The following ATP8A2 variants were observed in gnomAD, a reference collection of about 807,000 sequenced individuals.
The protein encoded by ATP8A2 is ATPase phospholipid transporting 8A2.
ATP8A2 carries 100 observed loss-of-function variants against 165.6 expected under a neutral mutation model. The ratio of observed to expected loss-of-function variants is 0.60; its 90% CI spans 0.51 to 0.71. ATP8A2 has a LOEUF of 0.71. Ranked by LOEUF, ATP8A2 falls within the 30% of genes least tolerant of loss-of-function variation. The probability of loss-of-function intolerance (pLI) is 0.00; values close to 1 mark genes in which losing one functional copy is unlikely to be tolerated. For missense variants in ATP8A2, 1,227 were observed against 1,479.5 expected (o/e 0.83, Z 2.80); for synonymous variants, 543 against 548.8 (o/e 0.99, Z 0.15).
chr13:25,479,217 G>C (rs2036086066), intron 2 of ATP8A2, among the ~76,000 whole-genome samples: 1 of 152,154 alleles, frequency 6.6e-6, no homozygotes, highest in Non-Finnish European at 1.5e-5. Flanking sequence ...ATCATTGTTA[G>C]TTATTATCTG....
chr13:25,461,007 C>T (rs2035489413), intron 1 of ATP8A2, among the ~76,000 whole-genome samples: 1 of 152,172 alleles, frequency 6.6e-6, no homozygotes, highest in East Asian at 1.9e-4. Flanking sequence ...CCAGGAGGTG[C>T]TCAATAACTG....
At chr13:25,551,208 T>C (rs1430530290) in intron 10 of ATP8A2, 130 bp from the exon 11 acceptor site, 6 of 826,366 alleles carry the variant, frequency 7.3e-6, no homozygotes, top group Non-Finnish European at 9.6e-6. Context: ...TTGAATTGCA[T>C]TGATTATTTG....
chr13:25,861,696 T>C (rs910931464), intron 32 of ATP8A2, among the ~76,000 whole-genome samples: 2 of 152,224 alleles, frequency 1.3e-5, no homozygotes, highest in Admixed American at 1.3e-4. Flanking sequence ...TCATTTTATC[T>C]TTCTAAAAGC....
chr13:25,789,529 A>G (rs966660724), intron 27 of ATP8A2, among the ~76,000 whole-genome samples: 1 of 152,206 alleles, frequency 6.6e-6, no homozygotes, highest in Admixed American at 6.5e-5. Flanking sequence ...GTAACTAGGG[A>G]GGTGAAAGGC....
intron 1 of ATP8A2, among the ~76,000 whole-genome samples, chr13:25,388,020 A>C (rs1376025291): frequency 6.6e-6 from 1 of 151,616 alleles, no homozygotes; most frequent in Non-Finnish European, 1.5e-5. Flanking sequence ...CCAAGATTGC[A>C]CCACTGCACT....
At chr13:25,379,351 G>C (rs2032754105) in intron 1 of ATP8A2, among the ~76,000 whole-genome samples, 1 of 152,206 alleles carries the variant, frequency 6.6e-6, no homozygotes, top group Non-Finnish European at 1.5e-5. Context: ...ACTCCATGGA[G>C]TGAGTGAGTA....
chr13:25,631,891 C>T (rs925052413), intron 24 of ATP8A2, among the ~76,000 whole-genome samples: 1 of 151,972 alleles, frequency 6.6e-6, no homozygotes, highest in African/African-American at 2.4e-5. Context: ...GCAAACCAAG[C>T]AGTTTTCTAG....
intron 33 of ATP8A2, among the ~76,000 whole-genome samples, chr13:25,947,154 A>G (rs536564478): frequency 6.6e-6 from 1 of 152,304 alleles, no homozygotes; most frequent in South Asian, 2.1e-4. Context: ...ATAAGTACCC[A>G]CGCAGTACTC....
chr13:25,863,695 C>G (rs1211014525), intron 33 of ATP8A2: 2 of 152,212 alleles, frequency 1.3e-5, no homozygotes, highest in African/African-American at 4.8e-5. Context: ...CGTGAGATAG[C>G]CCAGGGTAGC....
rs147360092 is a variant in ATP8A2, at chr13:25,579,111, G to A, written c.1867+212G>A. The stretch of plus-strand genomic sequence containing the variant: ...GGTGCAGAGGGAGAGACAGGCCAAC[G>A]CACAACGTGTAGAATCACCTTTAGT... On this transcript the variant is annotated intron_variant, in intron 21 of 36. Coordinates refer to ENST00000381655, the MANE Select transcript of ATP8A2 (RefSeq NM_016529.6). 2.3e-3 allele frequency among the ~76,000 whole-genome samples: 348 copies of A among 152,288 alleles called. 1 individual carries two copies. Among genetic ancestry groups the A allele is most frequent in the African/African-American group, 7.8e-3 (326 of 41,548 alleles).
intron 11 of ATP8A2, among the ~76,000 whole-genome samples, chr13:25,553,287 C>T (rs76535510): frequency 2.0e-5 from 3 of 151,784 alleles, no homozygotes; most frequent in South Asian, 2.1e-4. Context: ...GAACTTGTTC[C>T]GTCCAGATAT....
chr13:25,927,220 C>T (rs1299245590), intron 33 of ATP8A2: 1 of 456,754 alleles, frequency 2.2e-6, no homozygotes, highest in Non-Finnish European at 4.4e-6. Context: ...TCCTCGGCTG[C>T]TCCACACACT....
intron 1 of ATP8A2, among the ~76,000 whole-genome samples, chr13:25,433,931 A>C (rs9578862): frequency 1.3e-5 from 2 of 152,170 alleles, no homozygotes; most frequent in Non-Finnish European, 2.9e-5. Context: ...GTGGGTACAC[A>C]TGGACATAAA....
chr13:25,417,845 T>C (rs1350687487), intron 1 of ATP8A2, among the ~76,000 whole-genome samples: 2 of 152,348 alleles, frequency 1.3e-5, no homozygotes, highest in South Asian at 2.1e-4. Flanking sequence ...CAAGTCAGTA[T>C]TAAAATCTTT....
chr13:25,860,956 G>T, intron 32 of ATP8A2, 96 bp downstream of exon 32: 1 of 818,286 alleles, frequency 1.2e-6, no homozygotes, highest in Non-Finnish European at 2.0e-6. Context: ...GCAATATCTG[G>T]CTATCTTCTT....
At chr13:25,733,238 C>T (rs1429977933) in intron 25 of ATP8A2, among the ~76,000 whole-genome samples, 1 of 152,016 alleles carries the variant, frequency 6.6e-6, no homozygotes, top group Admixed American at 6.6e-5. Context: ...AAAAACCTAG[C>T]CAGATTTTTT....
intron 24 of ATP8A2, among the ~76,000 whole-genome samples, chr13:25,610,805 G>A (rs566027571): frequency 6.7e-6 from 1 of 149,796 alleles, no homozygotes; most frequent in Non-Finnish European, 1.5e-5. Context: ...CCATTTGTTT[G>A]TGTTGTTTAT....
intron 24 of ATP8A2, among the ~76,000 whole-genome samples, chr13:25,616,845 T>G (rs1236872077): frequency 2.0e-5 from 3 of 152,182 alleles, no homozygotes; most frequent in African/African-American, 7.2e-5. Flanking sequence ...CAAAGTGTTG[T>G]GCAGACTGGT....
intron 27 of ATP8A2, among the ~76,000 whole-genome samples, chr13:25,817,354 G>GC (rs1951053338): frequency 8.8e-6 from 1 of 113,764 alleles, no homozygotes; most frequent in Non-Finnish European, 2.0e-5. Context: ...CTTTTATGGG[G>GC]GGGGGGGGAA....
Sources: gnomAD v4.1 joint callset for allele counts (sites outside exome capture counted in the v4.1 genomes callset) on GRCh38, gnomAD v4.1.1 for gene constraint, MANE v1.5 for transcripts, NCBI Gene and HGNC (gene_info 2026-07-23, HGNC 2026-07-21) for gene names.